RGS6: variants seen among roughly 807,000 people sequenced by gnomAD.
RGS6 encodes the protein regulator of G protein signaling 6, also known as regulator of G-protein signaling 6.
In RGS6, 30 loss-of-function variants were observed where a neutral mutation model predicts 78.5. The ratio of observed to expected loss-of-function variants is 0.38; its 90% CI spans 0.29 to 0.52. RGS6 has a LOEUF of 0.52. Ranked by LOEUF, RGS6 falls within the 20% of genes least tolerant of loss-of-function variation. RGS6 has a pLI of 0.85. For synonymous variants in RGS6, 206 were observed against 206.0 expected, an observed-to-expected ratio of 1.00 and a Z score of 0.00; for missense variants, 495 against 609.7, an observed-to-expected ratio of 0.81 and a Z score of 1.98.
chr14:71,892,139 C>G, the RGS6 span, among the ~76,000 whole-genome samples: 1 of 152,150 alleles, frequency 6.6e-6, no homozygotes, highest in African/African-American at 2.4e-5. Flanking sequence ...TTGCCCTTCT[C>G]TTTCAAACAA....
At chr14:72,100,385 C>T (rs145524488) in intron 2 of RGS6, among the ~76,000 whole-genome samples, 1 of 152,194 alleles carries the variant, frequency 6.6e-6, no homozygotes, top group African/African-American at 2.4e-5. Flanking sequence ...ATCCCAGCTA[C>T]TCGGGAGGCT....
chr14:72,265,738 C>T (rs1442807708), intron 2 of RGS6, among the ~76,000 whole-genome samples: 2 of 152,146 alleles, frequency 1.3e-5, no homozygotes, highest in Non-Finnish European at 2.9e-5. Flanking sequence ...ACACCCCACT[C>T]TTCACACATA....
intron 2 of RGS6, among the ~76,000 whole-genome samples, chr14:72,109,248 A>T (rs1181951172): frequency 6.6e-6 from 1 of 151,634 alleles, no homozygotes; most frequent in Non-Finnish European, 1.5e-5. Flanking sequence ...TTTGTGATTT[A>T]TCCTTACCTA....
the RGS6 span, among the ~76,000 whole-genome samples, chr14:72,579,141 T>C: frequency 6.6e-6 from 1 of 152,146 alleles, no homozygotes; most frequent in Non-Finnish European, 1.5e-5. Context: ...ATGCCTCAGA[T>C]CTAACTGACT....
At chr14:72,320,873 A>C (rs2071771767) in intron 2 of RGS6, among the ~76,000 whole-genome samples, 1 of 150,270 alleles carries the variant, frequency 6.7e-6, no homozygotes, top group African/African-American at 2.4e-5. Context: ...TAGCATACTT[A>C]CTAAAGTATA....
At chr14:72,333,786 C>G (rs983049119) in intron 2 of RGS6, among the ~76,000 whole-genome samples, 3 of 152,186 alleles carry the variant, frequency 2.0e-5, no homozygotes, top group Admixed American at 6.5e-5. Context: ...CCAAAACCCT[C>G]CATCCCCTCC....
chr14:72,569,653 C>CTT (rs1238914152), downstream of RGS6, among the ~76,000 whole-genome samples: 1 of 143,970 alleles, frequency 6.9e-6, no homozygotes, highest in African/African-American at 2.6e-5. Flanking sequence ...GCTGGCTGGG[C>CTT]GACAGAGTGA....
At chr14:72,606,988 G>A in the RGS6 span, among the ~76,000 whole-genome samples, 1 of 152,182 alleles carries the variant, frequency 6.6e-6, no homozygotes, top group Non-Finnish European at 1.5e-5. Context: ...GCAGAGCCAT[G>A]AGCCAAATAA....
chr14:72,347,455 G>A (rs1395319595), intron 2 of RGS6, among the ~76,000 whole-genome samples: 4 of 152,190 alleles, frequency 2.6e-5, no homozygotes, highest in African/African-American at 9.7e-5. Flanking sequence ...TGCCCTTTTA[G>A]GCCTGTGCTA....
intron 17 of RGS6, among the ~76,000 whole-genome samples, chr14:72,542,829 T>A (rs2097344208): frequency 6.6e-6 from 1 of 152,218 alleles, no homozygotes; most frequent in Non-Finnish European, 1.5e-5. Flanking sequence ...AGTCTTATGT[T>A]GTGCCATGAC....
chr14:72,332,230 A>G (rs2075204159), intron 2 of RGS6, among the ~76,000 whole-genome samples: 1 of 152,184 alleles, frequency 6.6e-6, no homozygotes, highest in Admixed American at 6.5e-5. Flanking sequence ...CCAGCTCCAG[A>G]TGGTTCACAA....
intron 7 of RGS6, among the ~76,000 whole-genome samples, 187 bp downstream of exon 7, chr14:72,466,009 T>C (rs1212031737): frequency 6.6e-6 from 1 of 152,308 alleles, no homozygotes; most frequent in South Asian, 2.1e-4. Context: ...ATGGTGTTTT[T>C]ACATAAATAA....
At chr14:71,941,809 GAC>G (rs1263560828) in intron 1 of RGS6, among the ~76,000 whole-genome samples, 1 of 152,166 alleles carries the variant, frequency 6.6e-6, no homozygotes, top group Non-Finnish European at 1.5e-5. Flanking sequence ...CACCCACACA[GAC>G]ACACCCAGGA....
intron 2 of RGS6, among the ~76,000 whole-genome samples, chr14:72,138,738 A>G (rs2096490938): frequency 6.6e-6 from 1 of 152,034 alleles, no homozygotes; most frequent in African/African-American, 2.4e-5. Flanking sequence ...ATTGGAGCAC[A>G]AGCCCTGTTG....
intron 3 of RGS6, among the ~76,000 whole-genome samples, chr14:72,366,074 ATCT>A (rs1566638626): frequency 3.3e-5 from 5 of 152,140 alleles, no homozygotes; most frequent in African/African-American, 9.7e-5. Context: ...TAATTTTCAC[ATCT>A]TCTTCTATAA....
intron 2 of RGS6, among the ~76,000 whole-genome samples, chr14:72,183,012 T>C (rs2097194725): frequency 6.6e-6 from 1 of 152,194 alleles, no homozygotes. Flanking sequence ...CATGGTAAGG[T>C]CCCAGAAACA....
chr14:72,588,922 T>G, the RGS6 span, among the ~76,000 whole-genome samples: 5 of 152,114 alleles, frequency 3.3e-5, no homozygotes, highest in African/African-American at 9.7e-5. Context: ...AACCCCTCTC[T>G]CTGATTGGCT....
intron 2 of RGS6, among the ~76,000 whole-genome samples, chr14:72,085,896 T>G (rs1354679810): frequency 1.4e-5 from 2 of 145,536 alleles, no homozygotes; most frequent in African/African-American, 5.0e-5. Flanking sequence ...GGAGCTACAG[T>G]GATGCTGGTG....
In RGS6 at chr14:72,326,159, G is replaced by C. The variant is rs1202360244; in HGVS notation, c.85-25936G>C. On this transcript the variant is annotated intron_variant, in intron 2 of 17. Transcript: ENST00000553525. ...AACCAAAGATTACAAACCACCAAAT[G>C]CTGGCCAATATACATTCATTACCAC... Among the ~76,000 whole-genome samples the C allele has an allele frequency of 2.6e-5, 4 of 152,156 alleles. No homozygotes were observed. In the East Asian group the frequency reaches 7.7e-4, roughly 29 times the overall value.
Sources: allele counts gnomAD v4.1 joint callset (sites outside exome capture counted in the v4.1 genomes callset), GRCh38; gene constraint gnomAD v4.1.1; transcripts MANE v1.5; gene names NCBI Gene and HGNC (gene_info 2026-07-23, HGNC 2026-07-21).